The following RUNX1 variants were observed in gnomAD, a reference collection of about 807,000 sequenced individuals.
RUNX1 encodes RUNX family transcription factor 1.
Under a neutral mutation model 42.8 loss-of-function variants are expected in RUNX1, and 19 were observed. The ratio of observed to expected loss-of-function variants is 0.44; its 90% CI spans 0.31 to 0.65. RUNX1 has a LOEUF of 0.65. RUNX1 is among the 30% of genes least tolerant of loss of function. The pLI, the probability that RUNX1 is intolerant of heterozygous loss-of-function variation, is 0.07. For missense variants in RUNX1, 528 were observed against 672.0 expected (o/e 0.79, Z 2.37); for synonymous variants, 271 against 289.4 (o/e 0.94, Z 0.64).
intron 2 of RUNX1, among the ~76,000 whole-genome samples, chr21:34,912,349 C>T (rs1270425643): frequency 6.6e-6 from 1 of 151,626 alleles, no homozygotes; most frequent in African/African-American, 2.4e-5. Context: ...TCTCCATCAC[C>T]CGTCCTCTCT....
At chr21:34,865,105 G>A (rs1294815021) in intron 5 of RUNX1, among the ~76,000 whole-genome samples, 1 of 151,950 alleles carries the variant, frequency 6.6e-6, no homozygotes, top group Non-Finnish European at 1.5e-5. Context: ...CAGGTTAAAT[G>A]GAATGCTGAA....
intron 2 of RUNX1, among the ~76,000 whole-genome samples, chr21:35,040,685 T>A (rs1418456694): frequency 7.0e-6 from 1 of 143,628 alleles, no homozygotes; most frequent in Non-Finnish European, 1.5e-5. Context: ...GGCAGGAGAA[T>A]GGCTGAACGT....
rs536503061 is a variant in RUNX1, at chr21:34,849,515, T to C, written c.613+9959A>G. 2.6e-4 allele frequency among the ~76,000 whole-genome samples: 31 copies of C among 118,282 alleles called. No individual in the cohort carries two copies. In the South Asian group the frequency reaches 6.7e-3, roughly 25 times the overall value. 77.6% of individuals were successfully genotyped at this position (118,282 alleles called of 152,430 possible). On this transcript the variant is annotated intron_variant, in intron 6 of 8. Coordinates refer to ENST00000675419, the MANE Select transcript of RUNX1 (RefSeq NM_001754.5). ...TATATATTAGCTTGGCTTTCACCTA[T>C]GAATGTGAATCCAGAATATTTGGCT...
intron 2 of RUNX1, among the ~76,000 whole-genome samples, chr21:34,949,013 C>T (rs1601600050): frequency 6.6e-6 from 1 of 151,984 alleles, no homozygotes; most frequent in East Asian, 1.9e-4. Context: ...CTCGGCCTCC[C>T]AAAGTGCTGG....
chr21:34,917,741 G>C (rs970700488), intron 2 of RUNX1, among the ~76,000 whole-genome samples: 1 of 152,164 alleles, frequency 6.6e-6, no homozygotes, highest in African/African-American at 2.4e-5. Flanking sequence ...AGTATGAAAG[G>C]CAAGTCAATC....
At chr21:34,961,599 A>T (rs746121284) in intron 2 of RUNX1, among the ~76,000 whole-genome samples, 1 of 152,148 alleles carries the variant, frequency 6.6e-6, no homozygotes, top group African/African-American at 2.4e-5. Flanking sequence ...TATTAGCAGG[A>T]CAGAGGAAAG....
intron 2 of RUNX1, among the ~76,000 whole-genome samples, chr21:35,020,866 T>C (rs2059193467): frequency 1.3e-5 from 2 of 152,186 alleles, no homozygotes; most frequent in African/African-American, 4.8e-5. Flanking sequence ...ACTTTGCTTC[T>C]ATGGGGACTT....
At chr21:35,029,028 G>A (rs2059255960) in intron 2 of RUNX1, among the ~76,000 whole-genome samples, 5 of 152,066 alleles carry the variant, frequency 3.3e-5, no homozygotes, top group Admixed American at 3.3e-4. Context: ...TTGAAATCAA[G>A]GTCACCAAAC....
intron 7 of RUNX1, chr21:34,833,560 A>G (rs926835483): frequency 1.3e-5 from 2 of 152,926 alleles, no homozygotes; most frequent in African/African-American, 4.8e-5. Flanking sequence ...TACCACATCG[A>G]TTGCTGGCCA....
intron 5 of RUNX1, among the ~76,000 whole-genome samples, chr21:34,860,699 AGT>A (rs1300021058): frequency 2.0e-5 from 3 of 152,376 alleles, no homozygotes; most frequent in Non-Finnish European, 4.4e-5. Context: ...TGTAGCATAA[AGT>A]AAATCAAAGA....
At chr21:34,973,740 GGGC>G (rs2058779244) in intron 2 of RUNX1, among the ~76,000 whole-genome samples, 1 of 152,148 alleles carries the variant, frequency 6.6e-6, no homozygotes, top group Non-Finnish European at 1.5e-5. Context: ...TCACCACCCA[GGGC>G]AAATGGCTCA....
chr21:34,962,517 T>C (rs1373437892), intron 2 of RUNX1, among the ~76,000 whole-genome samples: 1 of 152,212 alleles, frequency 6.6e-6, no homozygotes, highest in Non-Finnish European at 1.5e-5. Context: ...TCTGGCAAGA[T>C]TTTTCCCTTC....
chr21:35,045,171 T>C (rs2059387073), intron 2 of RUNX1, among the ~76,000 whole-genome samples: 1 of 152,110 alleles, frequency 6.6e-6, no homozygotes, highest in Non-Finnish European at 1.5e-5. Context: ...AAAGGCATGA[T>C]TGTGAGTTTA....
chr21:35,000,675 A>T (rs991339757), intron 2 of RUNX1, among the ~76,000 whole-genome samples: 1 of 152,180 alleles, frequency 6.6e-6, no homozygotes, highest in Admixed American at 6.5e-5. Context: ...TGAGTGCTTC[A>T]TGTTCTTTGG....
intron 2 of RUNX1, among the ~76,000 whole-genome samples, chr21:34,927,947 G>C (rs920574889): frequency 6.6e-6 from 1 of 152,130 alleles, no homozygotes; most frequent in African/African-American, 2.4e-5. Flanking sequence ...AAATTGTAAT[G>C]CACAGGCTAT....
chr21:34,828,804 T>C (rs74905477), intron 7 of RUNX1, among the ~76,000 whole-genome samples: 3,127 of 152,300 alleles, frequency 0.021, 64 homozygotes, highest in African/African-American at 0.051. Context: ...CTATCTGCCA[T>C]GGGATGACTC....
chr21:35,038,704 C>G (rs1271447283), intron 2 of RUNX1: 1 of 454,346 alleles, frequency 2.2e-6, no homozygotes, highest in African/African-American at 2.0e-5. Flanking sequence ...CACTTCTGAG[C>G]TTTGAATCAG....
At chr21:34,966,782 A>T (rs2058721894) in intron 2 of RUNX1, among the ~76,000 whole-genome samples, 1 of 152,212 alleles carries the variant, frequency 6.6e-6, no homozygotes, top group Admixed American at 6.5e-5. Flanking sequence ...GAATTGTAGT[A>T]ATGTTGTATC....
intron 2 of RUNX1, among the ~76,000 whole-genome samples, chr21:34,941,279 A>C (rs1206834427): frequency 6.6e-6 from 1 of 152,186 alleles, no homozygotes. Context: ...TGCTGATGCT[A>C]ACCGTATTCT....
Sources: allele counts gnomAD v4.1 joint callset (sites outside exome capture counted in the v4.1 genomes callset), GRCh38; gene constraint gnomAD v4.1.1; transcripts MANE v1.5; gene names NCBI Gene and HGNC (gene_info 2026-07-23, HGNC 2026-07-21).